The following POU6F2 variants were observed in gnomAD, a reference collection of about 807,000 sequenced individuals.
POU6F2 encodes POU class 6 homeobox 2.
POU6F2 carries 31 observed loss-of-function variants against 71.3 expected under a neutral mutation model. That is an observed-to-expected ratio of 0.43 (90% confidence interval 0.33 to 0.59). POU6F2 has a LOEUF of 0.59. Among genes scored for constraint, POU6F2 ranks in the 20% least tolerant of loss-of-function variants. The pLI is 0.04. For synonymous variants in POU6F2, 347 were observed against 355.7 expected, an observed-to-expected ratio of 0.98 and a Z score of 0.27; for missense variants, 783 against 856.8, an observed-to-expected ratio of 0.91 and a Z score of 1.07.
chr7:39,017,108 T>C (rs551319924), intron 1 of POU6F2, among the ~76,000 whole-genome samples: 5 of 152,218 alleles, frequency 3.3e-5, no homozygotes, highest in Non-Finnish European at 7.3e-5. Context: ...TATGAGTTCC[T>C]TGGGGCAAGA....
At chr7:39,154,467 T>G (rs1348021628) in intron 2 of POU6F2, among the ~76,000 whole-genome samples, 1 of 152,232 alleles carries the variant, frequency 6.6e-6, no homozygotes, top group East Asian at 1.9e-4. Flanking sequence ...TACTGTTATG[T>G]GCTCATGTGT....
intron 7 of POU6F2, among the ~76,000 whole-genome samples, chr7:39,450,126 A>G (rs1451470858): frequency 2.0e-5 from 3 of 152,220 alleles, no homozygotes; most frequent in Admixed American, 6.5e-5. Context: ...ATAAAGTTGA[A>G]TGAAAAAATG....
At chr7:39,354,568 G>A (rs1413850555) in intron 5 of POU6F2, among the ~76,000 whole-genome samples, 5 of 152,118 alleles carry the variant, frequency 3.3e-5, no homozygotes, top group African/African-American at 7.2e-5. Context: ...ATGTGTTCAG[G>A]GTTGATGTGG....
At chr7:39,061,442 T>C (rs1428273778) in intron 1 of POU6F2, among the ~76,000 whole-genome samples, 1 of 152,226 alleles carries the variant, frequency 6.6e-6, no homozygotes, top group Admixed American at 6.5e-5. Context: ...GTTAATAAAC[T>C]GTTTGAACTC....
At chr7:39,170,938 A>G (rs1387970935) in intron 2 of POU6F2, among the ~76,000 whole-genome samples, 1 of 151,810 alleles carries the variant, frequency 6.6e-6, no homozygotes, top group Admixed American at 6.6e-5. Flanking sequence ...ATGTAACCCA[A>G]TAATATGTAC....
chr7:39,222,957 C>T (rs111422473), intron 4 of POU6F2, among the ~76,000 whole-genome samples: 2,556 of 152,228 alleles, frequency 0.017, 40 homozygotes, highest in Middle Eastern at 0.051. Flanking sequence ...AATCATTTGG[C>T]GAGTTGCCAT....
chr7:39,292,565 T>C lies in POU6F2; in HGVS notation c.599-47077T>C, dbSNP rs188701323. On this transcript the variant is annotated intron_variant, in intron 4 of 9. Transcript: ENST00000518318. The stretch of plus-strand genomic sequence containing the variant: ...TAGGAATAAGAGATAAGGTCTTCGT[T>C]GGCATTTGGGATGCATTGTTTTTAT... Among the ~76,000 whole-genome samples the C allele has an allele frequency of 2.1e-3, 326 of 152,322 alleles. 1 individual carries two copies. The highest frequency in any genetic ancestry group is 7.7e-3 in the African/African-American group (319 of 41,578).
chr7:39,325,427 G>A (rs1172162744), intron 4 of POU6F2, among the ~76,000 whole-genome samples: 1 of 152,186 alleles, frequency 6.6e-6, no homozygotes, highest in Non-Finnish European at 1.5e-5. Flanking sequence ...AAATTGAATT[G>A]CCTGTTTAGG....
intron 1 of POU6F2, among the ~76,000 whole-genome samples, chr7:38,982,811 C>A (rs1328131687): frequency 6.6e-6 from 1 of 152,054 alleles, no homozygotes; most frequent in Non-Finnish European, 1.5e-5. Flanking sequence ...TTTATTCTTA[C>A]CTCTAACATA....
intron 5 of POU6F2, among the ~76,000 whole-genome samples, chr7:39,401,195 C>T (rs1345778744): frequency 6.6e-6 from 1 of 152,168 alleles, no homozygotes; most frequent in Non-Finnish European, 1.5e-5. Flanking sequence ...TGTTGCAGTG[C>T]CTCAGAGGCA....
chr7:39,044,066 A>G (rs532550352), intron 1 of POU6F2, among the ~76,000 whole-genome samples: 119 of 151,962 alleles, frequency 7.8e-4, no homozygotes, highest in African/African-American at 2.8e-3. Flanking sequence ...TTGAAGTAGA[A>G]TCTCCTGGGC....
chr7:39,002,679 C>T (rs573031606), intron 1 of POU6F2, among the ~76,000 whole-genome samples: 8 of 152,290 alleles, frequency 5.3e-5, no homozygotes, highest in East Asian at 1.9e-4. Context: ...AGAAAAATAA[C>T]ATTTTAGAGC....
chr7:39,296,365 T>C (rs1454460970), intron 4 of POU6F2, among the ~76,000 whole-genome samples: 1 of 152,232 alleles, frequency 6.6e-6, no homozygotes, highest in Non-Finnish European at 1.5e-5. Context: ...TACAATATCT[T>C]AGTCTAATTG....
At chr7:39,175,683 G>A (rs1793312331) in intron 2 of POU6F2, among the ~76,000 whole-genome samples, 1 of 152,014 alleles carries the variant, frequency 6.6e-6, no homozygotes, top group South Asian at 2.1e-4. Flanking sequence ...GAAGAAAGGG[G>A]CCCACAAAGG....
chr7:39,249,444 G>C (rs1175713916), intron 4 of POU6F2, among the ~76,000 whole-genome samples: 2 of 152,100 alleles, frequency 1.3e-5, no homozygotes, highest in African/African-American at 4.8e-5. Flanking sequence ...CCACATTTCT[G>C]CTCTTTCTCA....
intron 1 of POU6F2, among the ~76,000 whole-genome samples, chr7:39,008,884 C>G (rs1433334881): frequency 6.7e-6 from 1 of 149,526 alleles, no homozygotes; most frequent in Admixed American, 6.6e-5. Context: ...TGATCTATAT[C>G]TCTGTTTTGG....
At chr7:39,015,662 A>C (rs1789471505) in intron 1 of POU6F2, among the ~76,000 whole-genome samples, 1 of 111,082 alleles carries the variant, frequency 9.0e-6, no homozygotes, top group Non-Finnish European at 1.6e-5. Flanking sequence ...TATATTATAT[A>C]TAGATATATT....
At chr7:39,067,233 T>A (rs1161973442) in intron 1 of POU6F2, among the ~76,000 whole-genome samples, 1 of 150,134 alleles carries the variant, frequency 6.7e-6, no homozygotes, top group Non-Finnish European at 1.5e-5. Context: ...GCTCTAAAAT[T>A]TGATTATTTG....
At chr7:39,109,783 T>C (rs1791766524) in intron 2 of POU6F2, among the ~76,000 whole-genome samples, 1 of 152,260 alleles carries the variant, frequency 6.6e-6, no homozygotes, top group African/African-American at 2.4e-5. Flanking sequence ...GTGATATTTC[T>C]GATTTGAATC....
Sources: allele counts gnomAD v4.1 joint callset (sites outside exome capture counted in the v4.1 genomes callset), GRCh38; gene constraint gnomAD v4.1.1; transcripts MANE v1.5; gene names NCBI Gene and HGNC (gene_info 2026-07-23, HGNC 2026-07-21).